BAZ2B: variants seen among roughly 807,000 people sequenced by gnomAD.
The protein encoded by BAZ2B is bromodomain adjacent to zinc finger domain 2B, also known as bromodomain adjacent to zinc finger domain protein 2B.
In BAZ2B, 91 loss-of-function variants were observed where a neutral mutation model predicts 246.0. The ratio of observed to expected loss-of-function variants is 0.37; its 90% CI spans 0.31 to 0.44. The LOEUF is 0.44. Among genes scored for constraint, BAZ2B ranks in the 20% least tolerant of loss-of-function variants. The pLI is 1.00. For synonymous variants in BAZ2B, 855 were observed against 860.0 expected, an observed-to-expected ratio of 0.99 and a Z score of 0.10; for missense variants, 2,332 against 2,533.7, an observed-to-expected ratio of 0.92 and a Z score of 1.71.
chr2:159,629,526 C>T, the BAZ2B span, among the ~76,000 whole-genome samples: 1 of 152,206 alleles, frequency 6.6e-6, no homozygotes, highest in South Asian at 2.1e-4. Context: ...CCTTTGCAGG[C>T]ACATGGATGA....
chr2:159,401,047 T>TAA (rs112642791), intron 16 of BAZ2B, among the ~76,000 whole-genome samples: 1 of 136,018 alleles, frequency 7.4e-6, no homozygotes. Context: ...CGTCTCAAAA[T>TAA]AAAAAAAAAA....
chr2:159,526,074 A>G (rs1358190976), intron 2 of BAZ2B, among the ~76,000 whole-genome samples: 4 of 152,200 alleles, frequency 2.6e-5, no homozygotes, highest in African/African-American at 9.6e-5. Flanking sequence ...GGATAAATAT[A>G]AAAGTTATTC....
the BAZ2B span, among the ~76,000 whole-genome samples, chr2:159,641,066 TC>T: frequency 6.6e-6 from 1 of 152,128 alleles, no homozygotes; most frequent in South Asian, 2.1e-4. Flanking sequence ...TTGCAGAAAT[TC>T]AAAGGATCAT....
chr2:159,657,042 G>T, the BAZ2B span, among the ~76,000 whole-genome samples: 1 of 151,900 alleles, frequency 6.6e-6, no homozygotes, highest in Non-Finnish European at 1.5e-5. Context: ...TTTTGGTATT[G>T]TATCTAAAAA....
At chr2:159,635,835 G>A in the BAZ2B span, among the ~76,000 whole-genome samples, 6 of 152,040 alleles carry the variant, frequency 3.9e-5, no homozygotes, top group Non-Finnish European at 8.8e-5. Context: ...ATAATCAAGA[G>A]GTATCTTACT....
intron 2 of BAZ2B, among the ~76,000 whole-genome samples, chr2:159,542,955 C>T (rs1028690990): frequency 6.6e-6 from 1 of 152,174 alleles, no homozygotes; most frequent in African/African-American, 2.4e-5. Context: ...GGGTTTGAAT[C>T]CTAAACTTCA....
chr2:159,423,829 A>T (rs536277279), intron 13 of BAZ2B, among the ~76,000 whole-genome samples: 1 of 152,328 alleles, frequency 6.6e-6, no homozygotes, highest in South Asian at 2.1e-4. Flanking sequence ...ACAAACACAA[A>T]GATGTGAACA....
the BAZ2B span, among the ~76,000 whole-genome samples, chr2:159,682,472 TG>T: frequency 1.3e-5 from 2 of 152,136 alleles, no homozygotes; most frequent in African/African-American, 4.8e-5. Flanking sequence ...CCACCAAACC[TG>T]GCCTTCAGGC....
At chr2:159,320,582 C>T (rs1412973929) in intron 36 of BAZ2B, among the ~76,000 whole-genome samples, 164 bp from the exon 37 acceptor site, 1 of 152,066 alleles carries the variant, frequency 6.6e-6, no homozygotes, top group Non-Finnish European at 1.5e-5. Context: ...AACATTTAAA[C>T]ATTTTTGTAT....
chr2:159,325,092 T>TATATTA (rs1442950460), intron 35 of BAZ2B, 138 bp from the exon 36 acceptor site: 1 of 2,432 alleles, frequency 4.1e-4, no homozygotes, highest in African/African-American at 8.3e-4. Context: ...TATATATATA[T>TATATTA]TATATATATA....
At chr2:159,419,423 T>A (rs561775024) in intron 13 of BAZ2B, among the ~76,000 whole-genome samples, 5 of 152,226 alleles carry the variant, frequency 3.3e-5, no homozygotes, top group Non-Finnish European at 7.3e-5. Flanking sequence ...TAGTATTATG[T>A]CTATTTCTAG....
chr2:159,703,369 T>C, the BAZ2B span, among the ~76,000 whole-genome samples: 69 of 152,064 alleles, frequency 4.5e-4, no homozygotes, highest in African/African-American at 1.4e-3. Flanking sequence ...GCTGGGATTA[T>C]AGGAGTGAGC....
At chr2:159,355,089 C>T (rs1437359752) in intron 27 of BAZ2B, among the ~76,000 whole-genome samples, 2 of 152,116 alleles carry the variant, frequency 1.3e-5, no homozygotes, top group African/African-American at 2.4e-5. Flanking sequence ...CCTTTGGCTC[C>T]CCTTAGTTGG....
At chr2:159,619,387 T>A (rs935860664), upstream of BAZ2B, among the ~76,000 whole-genome samples, 8 of 151,768 alleles carry the variant, frequency 5.3e-5, no homozygotes, top group Non-Finnish European at 1.2e-4. Context: ...TAAAATATAT[T>A]TTTATTATGA....
At chr2:159,542,209 T>C (rs902500786) in intron 2 of BAZ2B, among the ~76,000 whole-genome samples, 1 of 152,106 alleles carries the variant, frequency 6.6e-6, no homozygotes, top group South Asian at 2.1e-4. Context: ...AGTGGACCAA[T>C]ATGCATTATG....
At chr2:159,386,644 G>T in intron 21 of BAZ2B, 37 bp from the exon 22 acceptor site, 2 of 1,523,658 alleles carry the variant, frequency 1.3e-6, no homozygotes, top group East Asian at 2.4e-5. Flanking sequence ...AATAAAAACA[G>T]CTTAATTTTT....
At chr2:159,684,502 T>C in the BAZ2B span, among the ~76,000 whole-genome samples, 2 of 152,212 alleles carry the variant, frequency 1.3e-5, no homozygotes, top group African/African-American at 4.8e-5. Flanking sequence ...GACAATATTG[T>C]CTACACAATG....
In BAZ2B at chr2:159,383,470, T is replaced by C; in HGVS notation, c.3761+136A>G. The C allele has an allele frequency of 3.9e-6, 3 of 761,226 alleles. No homozygotes were observed. In the East Asian group the frequency reaches 8.3e-5, roughly 21 times the overall value. The allele number at this position is 761,226 out of a possible 1,614,324, so 47.2% of individuals were successfully genotyped here. Reference sequence around the variant, plus strand: ...TTCTGCCCCTGAGTTTTATTAATTTTATATCCCATCTAAATTGAGCATTAT... The same window carrying C: ...TTCTGCCCCTGAGTTTTATTAATTTCATATCCCATCTAAATTGAGCATTAT... On this transcript the variant is annotated intron_variant, in intron 24 of 36. Coordinates refer to ENST00000392783, the MANE Select transcript of BAZ2B (RefSeq NM_013450.4).
At chr2:159,705,634 A>G in the BAZ2B span, among the ~76,000 whole-genome samples, 1 of 152,230 alleles carries the variant, frequency 6.6e-6, no homozygotes, top group African/African-American at 2.4e-5. Context: ...AGACAAAAAA[A>G]TTAGATCCTA....
Sources: allele counts gnomAD v4.1 joint callset (sites outside exome capture counted in the v4.1 genomes callset), GRCh38; gene constraint gnomAD v4.1.1; transcripts MANE v1.5; gene names NCBI Gene and HGNC (gene_info 2026-07-23, HGNC 2026-07-21).